The following CNTNAP2 variants were observed in gnomAD, a reference collection of about 807,000 sequenced individuals.
CNTNAP2 encodes the protein contactin-associated protein-like 2.
Under a neutral mutation model 155.2 loss-of-function variants are expected in CNTNAP2, and 98 were observed. That is an observed-to-expected ratio of 0.63 (90% CI 0.54 to 0.75). CNTNAP2 has a LOEUF of 0.75. Among genes scored for constraint, CNTNAP2 ranks in the 30% least tolerant of loss-of-function variants. CNTNAP2 has a pLI of 0.00. For missense variants in CNTNAP2, 1,727 were observed against 1,688.1 expected, an observed-to-expected ratio of 1.02 and a Z score of -0.40; for synonymous variants, 651 against 631.2, an observed-to-expected ratio of 1.03 and a Z score of -0.47.
intron 12 of CNTNAP2, among the ~76,000 whole-genome samples, chr7:147,617,053 GA>G (rs1801307037): frequency 2.0e-5 from 3 of 152,078 alleles, no homozygotes; most frequent in Non-Finnish European, 4.4e-5. Flanking sequence ...GACTCATCCA[GA>G]TCCTTTATTT....
chr7:147,975,654 T>A (rs775643971), intron 14 of CNTNAP2, among the ~76,000 whole-genome samples: 1 of 152,098 alleles, frequency 6.6e-6, no homozygotes, highest in Non-Finnish European at 1.5e-5. Flanking sequence ...AATTTAAAAA[T>A]TTATTATTAA....
At chr7:147,562,005 CAAAG>C in intron 11 of CNTNAP2, 129 bp from the exon 12 acceptor site, 1 of 1,190,554 alleles carries the variant, frequency 8.4e-7, no homozygotes. Context: ...AATTTAGAGA[CAAAG>C]AACGCTCTTT....
At chr7:146,890,922 A>G (rs1331184089) in intron 3 of CNTNAP2, among the ~76,000 whole-genome samples, 1 of 152,210 alleles carries the variant, frequency 6.6e-6, no homozygotes, top group Non-Finnish European at 1.5e-5. Context: ...CATTCTACCA[A>G]AAAGACACAT....
At chr7:146,544,567 C>G (rs1331043531) in intron 1 of CNTNAP2, among the ~76,000 whole-genome samples, 1 of 151,846 alleles carries the variant, frequency 6.6e-6, no homozygotes, top group East Asian at 1.9e-4. Flanking sequence ...TGTATTTTCC[C>G]TTACTTCTTG....
chr7:147,517,834 A>C (rs999378826), intron 11 of CNTNAP2, among the ~76,000 whole-genome samples: 1 of 152,212 alleles, frequency 6.6e-6, no homozygotes, highest in Non-Finnish European at 1.5e-5. Flanking sequence ...CAGTCATTTT[A>C]GTGTCTTAAA....
intron 1 of CNTNAP2, among the ~76,000 whole-genome samples, chr7:146,519,094 C>G (rs926780623): frequency 2.6e-5 from 4 of 151,880 alleles, no homozygotes; most frequent in African/African-American, 7.2e-5. Flanking sequence ...TGTGTTCCTT[C>G]AGGAAAATGA....
rs866249703 is a variant in CNTNAP2 at position 147,084,475 on chromosome 7, C to T, written c.551-23672C>T. Among the ~76,000 whole-genome samples the T allele has an allele frequency of 2.4e-3, 338 of 139,804 alleles. 4 individuals are homozygous for T. The highest frequency in any genetic ancestry group is 8.3e-3 in the African/African-American group (318 of 38,522). 91.7% of individuals were successfully genotyped at this position (139,804 alleles called of 152,430 possible). A position where few individuals can be genotyped will look rare whatever the true frequency, so the allele number is the denominator to read the frequency against. On this transcript the variant is annotated intron_variant, in intron 4 of 23. Transcript: ENST00000361727. ...ATGCATAATGCTATATATGTATATACACATATATGCACATAGCATGCTTAT... is the reference window on the plus strand; with the variant it reads ...ATGCATAATGCTATATATGTATATATACATATATGCACATAGCATGCTTAT...
At chr7:146,747,545 T>TC (rs1392797235) in intron 1 of CNTNAP2, among the ~76,000 whole-genome samples, 5 of 152,208 alleles carry the variant, frequency 3.3e-5, no homozygotes. Flanking sequence ...ATCATCATCA[T>TC]ACAATTTTTC....
At chr7:148,306,752 T>C (rs1043540799) in intron 21 of CNTNAP2, among the ~76,000 whole-genome samples, 36 of 151,998 alleles carry the variant, frequency 2.4e-4, no homozygotes, top group African/African-American at 8.7e-4. Flanking sequence ...GTAGCTTTCT[T>C]TGGTTGGTTG....
chr7:147,482,748 A>AAATT (rs1798444901), intron 10 of CNTNAP2, among the ~76,000 whole-genome samples: 1 of 148,884 alleles, frequency 6.7e-6, no homozygotes, highest in African/African-American at 2.5e-5. Flanking sequence ...ATAAATAAAT[A>AAATT]AATAAATAAA....
At chr7:147,204,618 G>A (rs986605164) in intron 8 of CNTNAP2, among the ~76,000 whole-genome samples, 3 of 151,808 alleles carry the variant, frequency 2.0e-5, no homozygotes, top group Admixed American at 6.6e-5. Flanking sequence ...TCTCAATTTG[G>A]GTTTCTAGGT....
In CNTNAP2 at chr7:146,771,855, T is replaced by C. The variant is rs530458673; in HGVS notation, c.98-2416T>C. On this transcript the variant is annotated intron_variant, in intron 1 of 23. Coordinates refer to ENST00000361727, the MANE Select transcript of CNTNAP2 (RefSeq NM_014141.6). Reference sequence around the variant, plus strand: ...CTTATAAATTTGAGAGAGAAACATTTTTGAATATATAGAGAAACATTTTCT... The same window carrying C: ...CTTATAAATTTGAGAGAGAAACATTCTTGAATATATAGAGAAACATTTTCT... Among the ~76,000 whole-genome samples, 216 of 152,290 alleles carry C rather than the reference T, an allele frequency of 1.4e-3. 3 individuals are homozygous for C. The highest frequency in any genetic ancestry group is 4.9e-3 in the African/African-American group (204 of 41,560).
chr7:148,125,163 A>T (rs1804688385), intron 16 of CNTNAP2, among the ~76,000 whole-genome samples: 1 of 152,100 alleles, frequency 6.6e-6, no homozygotes, highest in Non-Finnish European at 1.5e-5. Context: ...TAAGAAGAAG[A>T]CATGGCCCCA....
At chr7:147,711,943 T>C (rs1437827256) in intron 13 of CNTNAP2, among the ~76,000 whole-genome samples, 2 of 152,192 alleles carry the variant, frequency 1.3e-5, no homozygotes, top group African/African-American at 2.4e-5. Flanking sequence ...AATAGTGTTA[T>C]AAAAAGACTG....
Position 146,859,668 on chromosome 7 carries a change from A to AT in CNTNAP2, c.402+19764_402+19765insT, listed in dbSNP as rs1467676045. 1.6e-3 allele frequency among the ~76,000 whole-genome samples: 242 copies of AT among 150,660 alleles called. 1 individual carries two copies. The highest frequency in any genetic ancestry group is 4.4e-3 in the Admixed American group (67 of 15,138). ...GAGTGAAATTCCGTCTCAAAAAAAA[A>AT]AAATATATATAATCCTAACTCTGAG... On this transcript the variant is annotated intron_variant, in intron 3 of 23. Coordinates refer to ENST00000361727, the MANE Select transcript of CNTNAP2 (RefSeq NM_014141.6).
chr7:146,944,392 G>C (rs1797115439), intron 3 of CNTNAP2, among the ~76,000 whole-genome samples: 1 of 151,280 alleles, frequency 6.6e-6, no homozygotes, highest in Non-Finnish European at 1.5e-5. Flanking sequence ...TGTTGCATAT[G>C]GTATATTGAA....
chr7:148,142,093 C>CTGTGTGTGTGTGTGTGTGTGTG (rs71527881), intron 16 of CNTNAP2, among the ~76,000 whole-genome samples: 1 of 136,326 alleles, frequency 7.3e-6, no homozygotes, highest in Non-Finnish European at 1.6e-5. Context: ...AGATATGTCT[C>CTGTGTGTGTGTGTGTGTGTGTG]TGTGTGTGTG....
chr7:148,080,010 G>A (rs1316877792), intron 15 of CNTNAP2, among the ~76,000 whole-genome samples: 1 of 152,160 alleles, frequency 6.6e-6, no homozygotes, highest in Non-Finnish European at 1.5e-5. Context: ...TTGTGCCAAA[G>A]TCTCTAAGAG....
chr7:147,907,316 A>T (rs986133910), intron 14 of CNTNAP2, among the ~76,000 whole-genome samples: 1 of 152,210 alleles, frequency 6.6e-6, no homozygotes, highest in Non-Finnish European at 1.5e-5. Flanking sequence ...TCGGCCTCCC[A>T]AAGTGCTGGG....
Sources: allele counts gnomAD v4.1 joint callset (sites outside exome capture counted in the v4.1 genomes callset), GRCh38; gene constraint gnomAD v4.1.1; transcripts MANE v1.5; gene names NCBI Gene and HGNC (gene_info 2026-07-23, HGNC 2026-07-21).